The following TOX2 variants were observed in gnomAD, a reference collection of about 807,000 sequenced individuals.
The protein encoded by TOX2 is granulosa cell HMG box 1.
TOX2 carries 15 observed loss-of-function variants against 47.4 expected under a neutral mutation model. That is an observed-to-expected ratio of 0.32 (90% CI 0.21 to 0.49). The LOEUF is 0.49. Among genes scored for constraint, TOX2 ranks in the 20% least tolerant of loss-of-function variants. TOX2 has a pLI of 0.99. For synonymous variants in TOX2, 290 were observed against 296.6 expected (o/e 0.98, Z 0.23); for missense variants, 622 against 673.1 (o/e 0.92, Z 0.84).
intron 5 of TOX2, among the ~76,000 whole-genome samples, chr20:44,057,110 G>A (rs1382836513): frequency 6.6e-6 from 1 of 152,044 alleles, no homozygotes; most frequent in East Asian, 1.9e-4. Flanking sequence ...ATTTTGTAGA[G>A]ACAGGGTCTT....
intron 1 of TOX2, among the ~76,000 whole-genome samples, chr20:43,966,067 A>G (rs988014937): frequency 1.3e-5 from 2 of 152,238 alleles, no homozygotes; most frequent in Admixed American, 6.5e-5. Context: ...TATCTGTAAC[A>G]TAATGCTTAA....
chr20:44,049,533 T>G (rs1343227375), intron 3 of TOX2, among the ~76,000 whole-genome samples: 1 of 152,244 alleles, frequency 6.6e-6, no homozygotes, highest in African/African-American at 2.4e-5. Context: ...ATGCAGGATG[T>G]GCAGGTTTGT....
chr20:43,916,275 G>C lies in TOX2; in HGVS notation c.99+1285G>C. On this transcript the variant is annotated intron_variant, in intron 1 of 8. Transcript: ENST00000341197. The surrounding 1 kb of genome is among the most constrained non-coding windows in gnomAD (Gnocchi z 5.0). ...CTCTCCCCAACCTCGCAGGCTTTTC[G>C]TCAGGCCCCTGGTAGTGGGGATGAG... The C allele has an allele frequency of 2.1e-6, 2 of 971,644 alleles. No individual in the cohort carries two copies. The highest frequency in any genetic ancestry group is 1.1e-4 in the East Asian group (1 of 8,738). 60.2% of individuals were successfully genotyped at this position (971,644 alleles called of 1,614,324 possible).
chr20:43,920,345 A>G (rs761003894), intron 1 of TOX2, among the ~76,000 whole-genome samples: 4 of 152,126 alleles, frequency 2.6e-5, no homozygotes, highest in Non-Finnish European at 4.4e-5. Context: ...GGGTTAAACT[A>G]TGGACTTGAT....
At chr20:43,958,242 G>A (rs1239906803) in intron 1 of TOX2, among the ~76,000 whole-genome samples, 1 of 152,150 alleles carries the variant, frequency 6.6e-6, no homozygotes, top group African/African-American at 2.4e-5. Context: ...TGGCTTCACG[G>A]AATGTTTCAC....
chr20:44,010,919 C>T lies in TOX2; in HGVS notation c.411+4127C>T, dbSNP rs78550802. Among the ~76,000 whole-genome samples the T allele has an allele frequency of 2.6e-3, 401 of 152,244 alleles. 2 individuals carry two copies. Among genetic ancestry groups the T allele is most frequent in the African/African-American group, 9.3e-3 (386 of 41,528 alleles). On this transcript the variant is annotated intron_variant, in intron 3 of 8. Coordinates refer to ENST00000341197, the MANE Select transcript of TOX2 (RefSeq NM_001098797.2). Reference sequence around the variant, plus strand: ...AAGCAGTCTCCTTGGGCTGAAATCACGGTGTCAGGAGGAACTCACTTTCCC... The same window carrying T: ...AAGCAGTCTCCTTGGGCTGAAATCATGGTGTCAGGAGGAACTCACTTTCCC...
chr20:43,994,474 A>AAAAAAT (rs1183081426), intron 2 of TOX2, among the ~76,000 whole-genome samples: 1 of 151,724 alleles, frequency 6.6e-6, no homozygotes, highest in Non-Finnish European at 1.5e-5. Context: ...AAAAAAAAAA[A>AAAAAAT]GACTACCACT....
intron 1 of TOX2, among the ~76,000 whole-genome samples, chr20:43,933,867 T>C (rs1206120443): frequency 1.3e-5 from 2 of 152,052 alleles, no homozygotes; most frequent in Non-Finnish European, 2.9e-5. Context: ...TGGGTGGAAC[T>C]CGTGGTCATC....
chr20:43,959,966 T>G (rs2069731022), intron 1 of TOX2, among the ~76,000 whole-genome samples: 1 of 152,068 alleles, frequency 6.6e-6, no homozygotes, highest in African/African-American at 2.4e-5. Flanking sequence ...GCTCTGGAGT[T>G]GAACTTCCTG....
intron 3 of TOX2, chr20:44,039,325 CAGG>C (rs1435193591): frequency 7.8e-7 from 1 of 1,287,074 alleles, no homozygotes; most frequent in African/African-American, 1.5e-5. Flanking sequence ...CTGGAGAGGT[CAGG>C]AGGAGAGAGA....
chr20:44,026,228 G>GATATATATATATAAAT (rs1555842269), intron 3 of TOX2, among the ~76,000 whole-genome samples: 1 of 60,244 alleles, frequency 1.7e-5, no homozygotes, highest in South Asian at 5.0e-4. Flanking sequence ...AAGAAACTGT[G>GATATATATATATAAAT]ATATATATAT....
At chr20:43,933,203 A>C (rs576812772) in intron 1 of TOX2, among the ~76,000 whole-genome samples, 5 of 152,234 alleles carry the variant, frequency 3.3e-5, no homozygotes, top group Non-Finnish European at 5.9e-5. Flanking sequence ...CTGTAGCTGC[A>C]ATACCATCAG....
At chr20:43,944,801 A>AT (rs1360060561) in intron 1 of TOX2, among the ~76,000 whole-genome samples, 1 of 152,220 alleles carries the variant, frequency 6.6e-6, no homozygotes, top group Non-Finnish European at 1.5e-5. Context: ...GGCATAGTAC[A>AT]TGACACTTAA....
rs987407085 is a variant in TOX2 at position 44,068,709 on chromosome 20, A to T, written c.*23A>T. ...TAATCCCGCCTCCCTACCATCCCTG[A>T]GGCTCGCTGGAAGGCACTGCTCAGA... On this transcript the variant is annotated 3_prime_UTR_variant, in exon 9 of 9. Transcript: ENST00000341197. 6.2e-7 allele frequency: 1 copy of T among 1,613,930 alleles called. No homozygotes were observed. The highest frequency in any genetic ancestry group is 8.5e-7 in the Non-Finnish European group (1 of 1,179,970).
At chr20:43,950,705 T>C (rs1232110578) in intron 1 of TOX2, among the ~76,000 whole-genome samples, 1 of 152,104 alleles carries the variant, frequency 6.6e-6, no homozygotes, top group Non-Finnish European at 1.5e-5. Context: ...TAAACGTGCA[T>C]ACCCTCCATC....
At chr20:44,042,587 T>G (rs1244594898) in intron 3 of TOX2, among the ~76,000 whole-genome samples, 1 of 152,222 alleles carries the variant, frequency 6.6e-6, no homozygotes, top group Non-Finnish European at 1.5e-5. Flanking sequence ...AAAATATCAC[T>G]TATCTGAAGA....
At chr20:44,036,264 G>A (rs1236918631) in intron 3 of TOX2, among the ~76,000 whole-genome samples, 1 of 152,214 alleles carries the variant, frequency 6.6e-6, no homozygotes, top group Non-Finnish European at 1.5e-5. Context: ...GCCAGCACAG[G>A]GCTTGGCCAA....
intron 2 of TOX2, among the ~76,000 whole-genome samples, chr20:43,983,785 C>A (rs1403078619): frequency 2.0e-5 from 3 of 152,214 alleles, no homozygotes; most frequent in African/African-American, 7.2e-5. Context: ...TGGGTGGTCT[C>A]ATTTCATCCT....
At chr20:43,987,831 C>A (rs757515006) in intron 2 of TOX2, among the ~76,000 whole-genome samples, 6 of 151,454 alleles carry the variant, frequency 4.0e-5, no homozygotes, top group Non-Finnish European at 7.4e-5. Context: ...TTCCCCAGAT[C>A]TGCTCAGCTC....
Sources: allele counts gnomAD v4.1 joint callset (sites outside exome capture counted in the v4.1 genomes callset), GRCh38; gene constraint gnomAD v4.1.1; non-coding constraint Gnocchi (gnomAD v3.1); transcripts MANE v1.5; gene names NCBI Gene and HGNC (gene_info 2026-07-23, HGNC 2026-07-21).